The following PHACTR1 variants were observed in gnomAD, a reference collection of about 807,000 sequenced individuals.
The protein encoded by PHACTR1 is phosphatase and actin regulator 1.
In PHACTR1, 16 loss-of-function variants were observed where a neutral mutation model predicts 69.2. The observed-to-expected ratio is 0.23, with a 90% CI of 0.16 to 0.35. The LOEUF (loss-of-function observed/expected upper bound fraction) is 0.35, where lower values mean the gene tolerates loss of function less well. PHACTR1 is among the 10% of genes least tolerant of loss of function. The pLI, the probability that PHACTR1 is intolerant of heterozygous loss-of-function variation, is 1.00. For missense variants in PHACTR1, 510 were observed against 734.7 expected (o/e 0.69, Z 3.54); for synonymous variants, 312 against 284.5 (o/e 1.10, Z -0.97).
intron 4 of PHACTR1, among the ~76,000 whole-genome samples, chr6:12,876,498 A>G (rs972600546): frequency 2.6e-5 from 4 of 152,188 alleles, no homozygotes; most frequent in Non-Finnish European, 5.9e-5. Flanking sequence ...ATGATCTTCT[A>G]AACTTCAGCT....
Position 12,749,806 on chromosome 6 carries a change from G to A in PHACTR1, c.250+16G>A, listed in dbSNP as rs1004791461. ...CTGGGGGCAGGTAAGAACGCCCCTGGCGCCGCGCCCCCGCCCCCGCCCTGC... is the reference window on the plus strand; with the variant it reads ...CTGGGGGCAGGTAAGAACGCCCCTGACGCCGCGCCCCCGCCCCCGCCCTGC... On this transcript the variant is annotated intron_variant, in intron 4 of 14. Transcript: ENST00000332995. 3 of 1,570,844 alleles carry A rather than the reference G, an allele frequency of 1.9e-6. No homozygotes were observed. Among genetic ancestry groups the A allele is most frequent in the Non-Finnish European group, 2.6e-6 (3 of 1,159,626 alleles).
chr6:12,861,878 A>G (rs1352157648), intron 4 of PHACTR1, among the ~76,000 whole-genome samples: 1 of 152,208 alleles, frequency 6.6e-6, no homozygotes, highest in Non-Finnish European at 1.5e-5. Flanking sequence ...ATATATACAC[A>G]AAAACACACA....
chr6:13,200,101 A>G (rs1328354272), intron 7 of PHACTR1, among the ~76,000 whole-genome samples: 1 of 152,236 alleles, frequency 6.6e-6, no homozygotes, highest in Admixed American at 6.5e-5. Flanking sequence ...GAACTGATGC[A>G]TCCTGGCCTT....
chr6:13,078,858 G>A, intron 5 of PHACTR1, among the ~76,000 whole-genome samples: 1 of 152,210 alleles, frequency 6.6e-6, no homozygotes, highest in East Asian at 1.9e-4. Flanking sequence ...AACCTGAGCT[G>A]TGGGTAACCA....
chr6:12,906,813 TG>T (rs1295056709), intron 4 of PHACTR1, among the ~76,000 whole-genome samples: 2 of 152,200 alleles, frequency 1.3e-5, no homozygotes, highest in Non-Finnish European at 2.9e-5. Context: ...TGGCTCTGGT[TG>T]GGTCACGTGT....
chr6:13,013,848 G>C (rs957951228), intron 4 of PHACTR1, among the ~76,000 whole-genome samples: 3 of 148,790 alleles, frequency 2.0e-5, no homozygotes, highest in African/African-American at 7.3e-5. Context: ...AGCGCGCGGG[G>C]GCCGGAGCAG....
chr6:13,193,357 G>GTATATATATATATATATA (rs56305254), intron 7 of PHACTR1, among the ~76,000 whole-genome samples: 2,276 of 67,808 alleles, frequency 0.034, 265 homozygotes, highest in Non-Finnish European at 0.046. Flanking sequence ...AGCTCTCTGT[G>GTATATATATATATATATA]TATATATATA....
At chr6:13,086,476 C>T (rs1812326866) in intron 5 of PHACTR1, among the ~76,000 whole-genome samples, 2 of 152,066 alleles carry the variant, frequency 1.3e-5, no homozygotes, top group African/African-American at 4.8e-5. Flanking sequence ...AAAATTCCTT[C>T]ATTCCCCTTT....
chr6:13,284,478 T>C (rs1049870008), intron 13 of PHACTR1, among the ~76,000 whole-genome samples: 1 of 125,226 alleles, frequency 8.0e-6, no homozygotes, highest in African/African-American at 3.2e-5. Context: ...GGTCACACCA[T>C]TGAATTCCAG....
chr6:13,025,345 G>T (rs1801532661), intron 4 of PHACTR1, among the ~76,000 whole-genome samples: 1 of 152,274 alleles, frequency 6.6e-6, no homozygotes, highest in Admixed American at 6.5e-5. Flanking sequence ...TTTGGAAAAA[G>T]AAAACTTAAC....
intron 4 of PHACTR1, among the ~76,000 whole-genome samples, chr6:12,828,841 G>T (rs1777095387): frequency 6.6e-6 from 1 of 152,144 alleles, no homozygotes; most frequent in African/African-American, 2.4e-5. Context: ...GTTACGGAGA[G>T]ATTGGTTAAT....
At chr6:13,005,717 A>G (rs1798702600) in intron 4 of PHACTR1, among the ~76,000 whole-genome samples, 2 of 152,120 alleles carry the variant, frequency 1.3e-5, no homozygotes, top group Non-Finnish European at 2.9e-5. Flanking sequence ...CAAGTCTTAG[A>G]GCATATTCCA....
At chr6:13,031,258 T>C (rs1802414506) in intron 4 of PHACTR1, among the ~76,000 whole-genome samples, 2 of 152,208 alleles carry the variant, frequency 1.3e-5, no homozygotes, top group Non-Finnish European at 2.9e-5. Flanking sequence ...TGTATTCTGA[T>C]ATTTTTTTCA....
chr6:12,805,335 A>C (rs887649501), intron 4 of PHACTR1, among the ~76,000 whole-genome samples: 2 of 152,222 alleles, frequency 1.3e-5, no homozygotes, highest in South Asian at 2.1e-4. Flanking sequence ...AATTCTTCAA[A>C]TAATTGTCAG....
At chr6:12,801,735 A>C (rs9381401) in intron 4 of PHACTR1, among the ~76,000 whole-genome samples, 53,281 of 152,040 alleles carry the variant, frequency 0.35, 11,100 homozygotes, top group East Asian at 0.61. Flanking sequence ...CTTGACATAA[A>C]AAGCAAGAAA....
intron 4 of PHACTR1, among the ~76,000 whole-genome samples, chr6:12,780,471 C>T (rs1770681803): frequency 6.6e-6 from 1 of 152,148 alleles, no homozygotes; most frequent in African/African-American, 2.4e-5. Context: ...CAAAATTATG[C>T]AGAGGCAATT....
At chr6:13,205,538 G>T (rs928610939) in intron 7 of PHACTR1, among the ~76,000 whole-genome samples, 1 of 152,120 alleles carries the variant, frequency 6.6e-6, no homozygotes, top group Non-Finnish European at 1.5e-5. Flanking sequence ...TCACTATCTG[G>T]GCCGCTCCCA....
rs1377475771 is a variant in PHACTR1, at chr6:13,246,795, C to G, written c.1391+16602C>G. Among the ~76,000 whole-genome samples, 1 of 152,192 alleles carries G rather than the reference C, an allele frequency of 6.6e-6. No homozygotes were observed. Among genetic ancestry groups the G allele is most frequent in the Non-Finnish European group, 1.5e-5 (1 of 68,030 alleles). On this transcript the variant is annotated intron_variant, in intron 10 of 14. Coordinates refer to ENST00000332995, the MANE Select transcript of PHACTR1 (RefSeq NM_030948.6). This position sits in a 1 kb window ranked among gnomAD's most constrained non-coding sequence, Gnocchi z 4.2. ...AAATTTGCAGTACAGTTGTTCTTCA[C>G]GTGTCCCCATGTATCTTTGTTTACT...
At chr6:12,796,223 G>A (rs1032041998) in intron 4 of PHACTR1, among the ~76,000 whole-genome samples, 6 of 152,186 alleles carry the variant, frequency 3.9e-5, no homozygotes, top group African/African-American at 1.4e-4. Flanking sequence ...GTAAGCATGG[G>A]CATGCTGTTT....
Sources: gnomAD v4.1 joint callset for allele counts (sites outside exome capture counted in the v4.1 genomes callset) on GRCh38, gnomAD v4.1.1 for gene constraint, Gnocchi (gnomAD v3.1) non-coding constraint, MANE v1.5 for transcripts, NCBI Gene and HGNC (gene_info 2026-07-23, HGNC 2026-07-21) for gene names.